NFIA: variants seen among roughly 807,000 people sequenced by gnomAD.
The protein encoded by NFIA is nuclear factor I A, also known as nuclear factor 1 A-type.
A neutral mutation model predicts 62.8 loss-of-function variants in NFIA; 8 were observed. That is an observed-to-expected ratio of 0.13 (90% CI 0.07 to 0.23). The LOEUF (loss-of-function observed/expected upper bound fraction) is 0.23. Among genes scored for constraint, NFIA ranks in the 10% least tolerant of loss-of-function variants. NFIA has a pLI of 1.00. For synonymous variants in NFIA, 235 were observed against 238.1 expected, an observed-to-expected ratio of 0.99 and a Z score of 0.12; for missense variants, 410 against 642.1, an observed-to-expected ratio of 0.64 and a Z score of 3.91.
chr1:61,243,405 G>A (rs1237957996), intron 2 of NFIA, among the ~76,000 whole-genome samples: 1 of 152,138 alleles, frequency 6.6e-6, no homozygotes, highest in Non-Finnish European at 1.5e-5. Flanking sequence ...ATATTGTACT[G>A]TAAGTTAGTG....
chr1:61,371,847 C>G (rs1663902023), intron 6 of NFIA, among the ~76,000 whole-genome samples: 1 of 152,076 alleles, frequency 6.6e-6, no homozygotes, highest in Admixed American at 6.6e-5. Flanking sequence ...AGTTGTAGTG[C>G]CCAATGTGGT....
At chr1:61,386,182 G>A (rs1352459651) in intron 7 of NFIA, among the ~76,000 whole-genome samples, 4 of 152,118 alleles carry the variant, frequency 2.6e-5, no homozygotes, top group Non-Finnish European at 5.9e-5. Context: ...TACCACATTT[G>A]GGAGTAAGAC....
chr1:61,097,934 A>C lies in NFIA; in HGVS notation c.559+9254A>C, dbSNP rs191681598. ...CAACTTTTATGAAAATGTTGGCTGC[A>C]GAAGGAGTAAAGTCAAAGGAGGGCC... On this transcript the variant is annotated intron_variant, in intron 2 of 10. Coordinates refer to ENST00000403491, the MANE Select transcript of NFIA (RefSeq NM_001134673.4). Among the ~76,000 whole-genome samples the C allele has an allele frequency of 3.6e-4, 55 of 152,336 alleles. 1 individual carries two copies. In the East Asian group the frequency reaches 4.6e-3, roughly 13 times the overall value.
intron 2 of NFIA, among the ~76,000 whole-genome samples, chr1:61,217,526 C>G (rs1486874935): frequency 6.6e-6 from 1 of 152,106 alleles, no homozygotes; most frequent in Non-Finnish European, 1.5e-5. Flanking sequence ...TCCAGAGCTG[C>G]TCAGAAACAT....
intron 6 of NFIA, among the ~76,000 whole-genome samples, chr1:61,368,870 TAGA>T (rs1178777488): frequency 1.3e-5 from 2 of 152,140 alleles, no homozygotes; most frequent in Non-Finnish European, 1.5e-5. Flanking sequence ...GCAAAAATGA[TAGA>T]AGAAGTATGA....
chr1:61,209,975 C>T (rs1463062643), intron 2 of NFIA, among the ~76,000 whole-genome samples: 3 of 152,208 alleles, frequency 2.0e-5, no homozygotes, highest in African/African-American at 4.8e-5. Context: ...GGTATACTTC[C>T]TTCCAGCCTT....
chr1:61,217,223 A>ATT (rs563343640), intron 2 of NFIA, among the ~76,000 whole-genome samples: 2 of 139,986 alleles, frequency 1.4e-5, no homozygotes, highest in Admixed American at 7.2e-5. Flanking sequence ...CACCTTGCTA[A>ATT]TTTTTTTTTT....
Position 61,082,838 on chromosome 1 carries a change from C to A in NFIA, c.27+20C>A, listed in dbSNP as rs745930651. On this transcript the variant is annotated intron_variant, in intron 1 of 10. Transcript: ENST00000403491. ...ACCCAGGTAAGCCGCGGCGTGGATG[C>A]GGAGGGCTTGGGGGCCGGGGCGCCG... 1.2e-5 allele frequency: 17 copies of A among 1,467,638 alleles called. No individual in the cohort carries two copies. In the East Asian group the frequency reaches 5.0e-4, roughly 43 times the overall value. The allele number at this position is 1,467,638 out of a possible 1,614,324, so 90.9% of individuals were successfully genotyped here.
intron 5 of NFIA, among the ~76,000 whole-genome samples, chr1:61,358,748 C>T (rs1308752544): frequency 1.3e-5 from 2 of 152,124 alleles, no homozygotes; most frequent in Non-Finnish European, 2.9e-5. Context: ...GAGGTTCCAG[C>T]AGGGATTAAA....
intron 2 of NFIA, among the ~76,000 whole-genome samples, chr1:61,117,076 A>G (rs1646804676): frequency 6.6e-6 from 1 of 152,194 alleles, no homozygotes. Flanking sequence ...AGCTTTATGA[A>G]CTATATTTTC....
chr1:61,129,855 G>A (rs977281900), intron 2 of NFIA, among the ~76,000 whole-genome samples: 4 of 152,086 alleles, frequency 2.6e-5, no homozygotes, highest in Admixed American at 1.3e-4. Flanking sequence ...TAAAAATATC[G>A]AATAAAGTTA....
At chr1:61,151,145 G>T (rs1648370132) in intron 2 of NFIA, among the ~76,000 whole-genome samples, 1 of 152,176 alleles carries the variant, frequency 6.6e-6, no homozygotes, top group South Asian at 2.1e-4. Context: ...CCTGGGCTCA[G>T]GATAGGCTGG....
intron 1 of NFIA, 115 bp downstream of exon 1, chr1:61,082,933 G>A (rs1646140903): frequency 7.4e-6 from 8 of 1,085,888 alleles, no homozygotes; most frequent in Non-Finnish European, 9.8e-6. Flanking sequence ...CGTGCGTCTC[G>A]GTGTGTGTCT....
chr1:61,220,187 G>A (rs1328058454), intron 2 of NFIA, among the ~76,000 whole-genome samples: 1 of 152,108 alleles, frequency 6.6e-6, no homozygotes, highest in African/African-American at 2.4e-5. Context: ...TCTGTTTTTT[G>A]TAATGATCTG....
At chr1:61,241,511 G>T (rs1016034471) in intron 2 of NFIA, among the ~76,000 whole-genome samples, 1 of 152,116 alleles carries the variant, frequency 6.6e-6, no homozygotes, top group Non-Finnish European at 1.5e-5. Flanking sequence ...AACAGTGTCA[G>T]TGAATTCTGA....
At chr1:61,413,644 T>G (rs1666212167) in intron 9 of NFIA, among the ~76,000 whole-genome samples, 1 of 91,424 alleles carries the variant, frequency 1.1e-5, no homozygotes, top group African/African-American at 4.9e-5. Context: ...TTTTTTTTTT[T>G]GAGATGGTGT....
intron 2 of NFIA, among the ~76,000 whole-genome samples, chr1:61,119,444 T>C (rs1446329165): frequency 2.0e-5 from 3 of 152,224 alleles, no homozygotes; most frequent in African/African-American, 7.2e-5. Context: ...AAATTTCTGT[T>C]TGTCTTTAAT....
intron 4 of NFIA, among the ~76,000 whole-genome samples, chr1:61,340,331 A>G (rs1410109088): frequency 2.0e-5 from 3 of 152,240 alleles, no homozygotes; most frequent in Non-Finnish European, 2.9e-5. Context: ...AGATGGCAGC[A>G]TGATATTGTA....
At chr1:61,330,630 C>G (rs1661253161) in intron 3 of NFIA, among the ~76,000 whole-genome samples, 1 of 152,090 alleles carries the variant, frequency 6.6e-6, no homozygotes, top group Non-Finnish European at 1.5e-5. Context: ...ATCACCCTAG[C>G]CTTTAAAATA....
Sources: allele counts gnomAD v4.1 joint callset (sites outside exome capture counted in the v4.1 genomes callset), GRCh38; gene constraint gnomAD v4.1.1; transcripts MANE v1.5; gene names NCBI Gene and HGNC (gene_info 2026-07-23, HGNC 2026-07-21).